SCMH1: variants seen among roughly 807,000 people sequenced by gnomAD.
The protein encoded by SCMH1 is Scm polycomb group protein homolog 1, also known as polycomb protein SCMH1.
SCMH1 carries 37 observed loss-of-function variants against 70.8 expected under a neutral mutation model. The ratio of observed to expected loss-of-function variants is 0.52; its 90% confidence interval spans 0.40 to 0.69. The LOEUF (loss-of-function observed/expected upper bound fraction) is 0.69, where lower values mean the gene tolerates loss of function less well. Ranked by LOEUF, SCMH1 falls within the 30% of genes least tolerant of loss-of-function variation. The pLI is 0.00. For synonymous variants in SCMH1, 292 were observed against 307.4 expected, an observed-to-expected ratio of 0.95 and a Z score of 0.52; for missense variants, 607 against 827.3, an observed-to-expected ratio of 0.73 and a Z score of 3.27.
At chr1:41,107,569 G>C (rs529777366) in intron 8 of SCMH1, among the ~76,000 whole-genome samples, 1 of 152,092 alleles carries the variant, frequency 6.6e-6, no homozygotes, top group African/African-American at 2.4e-5. Flanking sequence ...CACCAGGCTG[G>C]AGTGCAGTGG....
chr1:41,241,598 G>A lies in SCMH1; in HGVS notation c.-118+461C>T, dbSNP rs1428459923. On this transcript the variant is annotated intron_variant, in intron 1 of 14. Transcript: ENST00000337495. ...AGGCATTCCCACCTCTGGCGCCGGA[G>A]GGGACCGACTGACCCGCGCAGACGG... is the stretch of plus-strand genomic sequence containing the variant. Among the ~76,000 whole-genome samples, 3 of 152,158 alleles carry A rather than the reference G, an allele frequency of 2.0e-5. No individual in the cohort carries two copies. In the East Asian group the frequency reaches 5.8e-4, roughly 29 times the overall value.
intron 1 of SCMH1, among the ~76,000 whole-genome samples, chr1:41,209,258 T>G (rs1336387056): frequency 1.3e-5 from 2 of 152,128 alleles, no homozygotes; most frequent in East Asian, 3.9e-4. Context: ...CAGGACTAGA[T>G]GGATTCACAG....
chr1:41,143,239 T>C (rs970915746), intron 5 of SCMH1, 127 bp from the exon 6 acceptor site: 2 of 663,084 alleles, frequency 3.0e-6, no homozygotes, highest in Admixed American at 3.0e-5. Flanking sequence ...TAATTAAGAA[T>C]GGTTTCATGC....
intron 8 of SCMH1, among the ~76,000 whole-genome samples, chr1:41,079,429 G>C (rs1406728359): frequency 6.6e-6 from 1 of 151,962 alleles, no homozygotes; most frequent in Non-Finnish European, 1.5e-5. Flanking sequence ...AAAAACACAG[G>C]AAGAGAAAAG....
At chr1:41,212,661 A>C (rs1423732138) in intron 1 of SCMH1, among the ~76,000 whole-genome samples, 3 of 152,142 alleles carry the variant, frequency 2.0e-5, no homozygotes, top group Admixed American at 2.0e-4. Context: ...AAACAAACCA[A>C]CCACCCCAAG....
intron 1 of SCMH1, among the ~76,000 whole-genome samples, chr1:41,202,879 A>G (rs60351276): frequency 0.25 from 37,745 of 152,046 alleles, 5,281 homozygotes; most frequent in Non-Finnish European, 0.31. Context: ...AAATATAAGC[A>G]TAATGTTCAG....
At chr1:41,028,358 A>G in intron 14 of SCMH1, 39 bp from the exon 16 acceptor site, 1 of 1,610,292 alleles carries the variant, frequency 6.2e-7, no homozygotes, top group Non-Finnish European at 8.5e-7. Context: ...GAAGGGAGGC[A>G]CCATCAGAGT....
chr1:41,167,452 C>T (rs1374345791), intron 2 of SCMH1, among the ~76,000 whole-genome samples: 2 of 152,106 alleles, frequency 1.3e-5, no homozygotes, highest in Non-Finnish European at 2.9e-5. Flanking sequence ...GGTATTGGTT[C>T]TTCTTTAAGT....
At chr1:41,142,576 G>C (rs1644197063) in intron 6 of SCMH1, among the ~76,000 whole-genome samples, 1 of 152,116 alleles carries the variant, frequency 6.6e-6, no homozygotes, top group Non-Finnish European at 1.5e-5. Context: ...TTTTGAGATA[G>C]GTTAAACGGC....
intron 9 of SCMH1, among the ~76,000 whole-genome samples, chr1:41,074,926 G>C (rs530139626): frequency 2.6e-5 from 4 of 152,188 alleles, no homozygotes; most frequent in Non-Finnish European, 5.9e-5. Flanking sequence ...GCAGTGGCAC[G>C]ATCTCCGCTC....
intron 8 of SCMH1, among the ~76,000 whole-genome samples, chr1:41,107,663 G>T (rs1409474263): frequency 6.6e-6 from 1 of 152,140 alleles, no homozygotes; most frequent in Non-Finnish European, 1.5e-5. Flanking sequence ...GGGACTACAG[G>T]TGGGCACCAC....
intron 4 of SCMH1, 45 bp downstream of exon 4, chr1:41,160,830 T>G (rs1178926267): frequency 1.3e-6 from 2 of 1,525,640 alleles, no homozygotes; most frequent in Non-Finnish European, 1.8e-6. Flanking sequence ...ATCCCTGGTT[T>G]ACCAATTCCC....
chr1:41,098,762 C>A (rs1349848636), intron 8 of SCMH1: 1 of 134,462 alleles, frequency 7.4e-6, no homozygotes, highest in Non-Finnish European at 1.6e-5. Flanking sequence ...CCCCCTTCCT[C>A]CCCCCGACCC....
At chr1:41,070,713 A>C (rs1656184755) in exon 10 of SCMH1, 1 of 1,614,036 alleles carries the variant, frequency 6.2e-7, no homozygotes, top group East Asian at 2.2e-5. Context: ...GCAAAGTCCG[A>C]GGTTTCCTCT....
At chr1:41,039,169 G>T (rs2300659) in intron 12 of SCMH1, among the ~76,000 whole-genome samples, 11,901 of 152,288 alleles carry the variant, frequency 0.078, 601 homozygotes, top group South Asian at 0.13. Context: ...TAAGACTGGG[G>T]ATAGTATTGT....
intron 13 of SCMH1, among the ~76,000 whole-genome samples, chr1:41,033,749 C>G (rs951141409): frequency 1.2e-4 from 19 of 152,308 alleles, no homozygotes; most frequent in Admixed American, 3.3e-4. Flanking sequence ...ACAAATAATT[C>G]TAGGGCCAGC....
chr1:41,109,378 AAAG>A (rs1459045697), intron 8 of SCMH1, among the ~76,000 whole-genome samples: 3 of 152,210 alleles, frequency 2.0e-5, no homozygotes, highest in Non-Finnish European at 4.4e-5. Flanking sequence ...AGAAGGTAGG[AAAG>A]AAGGAGGAAA....
At chr1:41,115,333 T>C (rs1297848272) in intron 7 of SCMH1, among the ~76,000 whole-genome samples, 1 of 152,266 alleles carries the variant, frequency 6.6e-6, no homozygotes, top group Admixed American at 6.5e-5. Flanking sequence ...TTTGCTCTAT[T>C]ATACTTTGAG....
chr1:41,142,885 T>G (rs145595656), exon 6 of SCMH1: 1 of 1,613,228 alleles, frequency 6.2e-7, no homozygotes, highest in Admixed American at 1.7e-5. Context: ...CACCAAGAGG[T>G]GGCTGTAGCA....
Sources: allele counts gnomAD v4.1 joint callset (sites outside exome capture counted in the v4.1 genomes callset), GRCh38; gene constraint gnomAD v4.1.1; transcripts MANE v1.5; gene names NCBI Gene and HGNC (gene_info 2026-07-23, HGNC 2026-07-21).